Variants in DGKB observed in about 807,000 individuals in gnomAD.
DGKB encodes 90 kDa diacylglycerol kinase.
A neutral mutation model predicts 114.3 loss-of-function variants in DGKB; 67 were observed. The ratio of observed to expected loss-of-function variants is 0.59; its 90% CI spans 0.48 to 0.72. The LOEUF is 0.72. DGKB is among the 30% of genes least tolerant of loss of function. The pLI is 0.00. For missense variants in DGKB, 907 were observed against 975.2 expected, an observed-to-expected ratio of 0.93 and a Z score of 0.93; for synonymous variants, 398 against 323.1, an observed-to-expected ratio of 1.23 and a Z score of -2.49.
chr7:14,812,965 A>T (rs1213348662), intron 2 of DGKB, among the ~76,000 whole-genome samples: 1 of 152,154 alleles, frequency 6.6e-6, no homozygotes, highest in Non-Finnish European at 1.5e-5. Flanking sequence ...AGTAAATATG[A>T]CTTTGAGAAC....
rs145868435 is a variant in DGKB at position 14,736,042 on chromosome 7, G to T, written c.321C>A (p.Gly107=). 2 of 1,580,258 alleles carry T rather than the reference G, an allele frequency of 1.3e-6. No individual in the cohort carries two copies. Among genetic ancestry groups the T allele is most frequent in the East Asian group, 4.5e-5 (2 of 44,462 alleles). The change falls in exon 5 of 26, where the codon GGC becomes GGA. Residue 107 remains glycine, a splice_region_variant and synonymous_variant. Transcript: ENST00000402815. ...MVKSKPALLS[G]GLRMNKGAIT... Reference sequence around the variant, plus strand: ...AATGTTTAAAGTAAGTAAACTTACCGCCTGATAGGAGAGCAGGCTTACTTT... The same window carrying T: ...AATGTTTAAAGTAAGTAAACTTACCTCCTGATAGGAGAGCAGGCTTACTTT...
chr7:14,796,445 C>T (rs1484214183), intron 2 of DGKB, among the ~76,000 whole-genome samples: 1 of 152,090 alleles, frequency 6.6e-6, no homozygotes, highest in African/African-American at 2.4e-5. Flanking sequence ...CAGACCAAAG[C>T]TTTCAATGGA....
At chr7:14,266,974 A>G (rs1371908239) in intron 23 of DGKB, among the ~76,000 whole-genome samples, 3 of 147,354 alleles carry the variant, frequency 2.0e-5, no homozygotes, top group Non-Finnish European at 4.4e-5. Context: ...TTTTAAAGCC[A>G]ATTTGTTTTG....
intron 4 of DGKB, among the ~76,000 whole-genome samples, chr7:14,747,498 G>T (rs749036922): frequency 2.6e-5 from 4 of 151,324 alleles, no homozygotes; most frequent in Non-Finnish European, 5.9e-5. Flanking sequence ...ATTCTATGTT[G>T]TCCACATTAT....
chr7:14,844,918 G>A lies in DGKB; in HGVS notation c.-187-3468C>T, dbSNP rs1239331421. On this transcript the variant is annotated intron_variant, in intron 1 of 25. Transcript: ENST00000402815. ...GCTCAGGAGTTCTAGACCAGCCTGGGCAACATGGAGAAACCCTGTCTCTAC... is the reference window on the plus strand; with the variant it reads ...GCTCAGGAGTTCTAGACCAGCCTGGACAACATGGAGAAACCCTGTCTCTAC... 4.6e-5 allele frequency among the ~76,000 whole-genome samples: 7 copies of A among 151,842 alleles called. No individual in the cohort carries two copies. The East Asian group carries it at 1.4e-3, about 29-fold the overall frequency.
At chr7:14,348,519 A>T (rs1188758157) in intron 21 of DGKB, among the ~76,000 whole-genome samples, 1 of 152,054 alleles carries the variant, frequency 6.6e-6, no homozygotes, top group Non-Finnish European at 1.5e-5. Flanking sequence ...AAAGATGCTC[A>T]ACGACATTAG....
chr7:14,522,782 T>G (rs540537329), intron 20 of DGKB, among the ~76,000 whole-genome samples: 2 of 152,192 alleles, frequency 1.3e-5, no homozygotes, highest in Non-Finnish European at 2.9e-5. Flanking sequence ...GGGGAAAGAA[T>G]TTGTCAGCTT....
chr7:14,570,186 G>C lies in DGKB; in HGVS notation c.1770+4026C>G, dbSNP rs556313143. The stretch of plus-strand genomic sequence containing the variant: ...TGTTGTTTACTTATAATTCTCTATA[G>C]AGTATTTTTGCAAAGTCAATTTTTC... On this transcript the variant is annotated intron_variant, in intron 20 of 25. Transcript: ENST00000402815. Among the ~76,000 whole-genome samples the C allele has an allele frequency of 6.6e-5, 10 of 150,506 alleles. No individual in the cohort carries two copies. In the East Asian group the frequency reaches 1.9e-3, roughly 29 times the overall value.
intron 1 of DGKB, among the ~76,000 whole-genome samples, chr7:14,860,155 A>T (rs868220215): frequency 6.6e-6 from 1 of 152,106 alleles, no homozygotes; most frequent in Non-Finnish European, 1.5e-5. Flanking sequence ...TCCTTGTTCA[A>T]TACTGTCTTT....
At chr7:14,697,381 T>C (rs1210681104) in intron 8 of DGKB, among the ~76,000 whole-genome samples, 2 of 152,148 alleles carry the variant, frequency 1.3e-5, no homozygotes, top group African/African-American at 4.8e-5. Flanking sequence ...GGTAACATGA[T>C]GCACTGTGCA....
chr7:14,607,444 G>T lies in DGKB; in HGVS notation c.1423C>A (p.Pro475Thr). 6.5e-7 allele frequency: 1 copy of T among 1,549,576 alleles called. No homozygotes were observed. Among genetic ancestry groups the T allele is most frequent in the Non-Finnish European group, 8.9e-7 (1 of 1,123,768 alleles). ...RQVYSLSGNG[P>T]MPGLNFFRDV... Reference sequence around the variant, plus strand: ...TATCCTTGGACTTACCCTGGCATTGGTCCATTTCCAGAAAGACTGTAAACC... The same window carrying T: ...TATCCTTGGACTTACCCTGGCATTGTTCCATTTCCAGAAAGACTGTAAACC... The change falls in exon 17 of 26, where the codon CCA (proline) becomes ACA (threonine). Residue 475 changes from proline (P) to threonine (T), a missense_variant. By Grantham distance (38) the Pro-to-Thr change is conservative (BLOSUM62 -1). Transcript: ENST00000402815.
At chr7:14,651,414 T>C (rs1814461313) in intron 13 of DGKB, among the ~76,000 whole-genome samples, 2 of 146,902 alleles carry the variant, frequency 1.4e-5, no homozygotes, top group South Asian at 4.4e-4. Context: ...AATATCTCAA[T>C]AGATGCAGAA....
At chr7:14,357,604 T>C (rs1423848233) in intron 21 of DGKB, among the ~76,000 whole-genome samples, 1 of 152,184 alleles carries the variant, frequency 6.6e-6, no homozygotes, top group Non-Finnish European at 1.5e-5. Flanking sequence ...ACATTTAAGG[T>C]TAATATTGTT....
At chr7:14,503,903 A>T (rs1786602846) in intron 20 of DGKB, among the ~76,000 whole-genome samples, 1 of 152,228 alleles carries the variant, frequency 6.6e-6, no homozygotes. Context: ...AGGAGGGGAC[A>T]GATGGAAGCT....
At chr7:14,237,425 G>T (rs1203906538) in intron 23 of DGKB, among the ~76,000 whole-genome samples, 1 of 151,720 alleles carries the variant, frequency 6.6e-6, no homozygotes, top group African/African-American at 2.4e-5. Context: ...CTGTGAAAGC[G>T]CTAATATATG....
At chr7:14,540,961 C>G (rs556694230) in intron 20 of DGKB, among the ~76,000 whole-genome samples, 1 of 152,244 alleles carries the variant, frequency 6.6e-6, no homozygotes, top group Non-Finnish European at 1.5e-5. Flanking sequence ...TCTTCCTTTT[C>G]AAATGTATGC....
intron 4 of DGKB, 82 bp downstream of exon 4, chr7:14,753,846 A>G: frequency 4.6e-6 from 4 of 864,408 alleles, no homozygotes; most frequent in South Asian, 4.4e-5. Flanking sequence ...AGTATAGTTC[A>G]GTGATATGGA....
intron 21 of DGKB, among the ~76,000 whole-genome samples, chr7:14,404,814 T>C (rs975607030): frequency 6.6e-6 from 1 of 151,790 alleles, no homozygotes; most frequent in Admixed American, 6.6e-5. Flanking sequence ...GAACCTACAC[T>C]CTCTGCTTTT....
At chr7:14,488,851 A>AC in intron 20 of DGKB, among the ~76,000 whole-genome samples, 1 of 117,568 alleles carries the variant, frequency 8.5e-6, no homozygotes, top group South Asian at 2.7e-4. Flanking sequence ...ACAAAAAAAA[A>AC]CAAAAAAAAC....
Sources: gnomAD v4.1 joint callset for allele counts (sites outside exome capture counted in the v4.1 genomes callset) on GRCh38, gnomAD v4.1.1 for gene constraint, MANE v1.5 for transcripts, NCBI Gene and HGNC (gene_info 2026-07-23, HGNC 2026-07-21) for gene names.